The following ARL6IP6 variants were observed in gnomAD, a reference collection of about 807,000 sequenced individuals.
ARL6IP6 encodes ARF like GTPase 6 interacting protein 6.
A neutral mutation model predicts 21.5 loss-of-function variants in ARL6IP6; 22 were observed. That is an observed-to-expected ratio of 1.02 (90% CI 0.73 to 1.46). The LOEUF (loss-of-function observed/expected upper bound fraction) is 1.46. Ranked by LOEUF, ARL6IP6 falls within the 40% of genes most tolerant of loss-of-function variation. ARL6IP6 has a pLI of 0.00. For missense variants in ARL6IP6, 388 were observed against 299.8 expected, an observed-to-expected ratio of 1.29 and a Z score of -2.17; for synonymous variants, 164 against 125.3, an observed-to-expected ratio of 1.31 and a Z score of -2.06.
chr2:152,731,462 G>C lies in ARL6IP6; in HGVS notation c.455-3532G>C, dbSNP rs199673259. Among the ~76,000 whole-genome samples, 14 of 152,248 alleles carry C rather than the reference G, an allele frequency of 9.2e-5. No individual in the cohort carries two copies. The East Asian group carries it at 2.3e-3, about 25-fold the overall frequency. On this transcript the variant is annotated intron_variant, in intron 2 of 3. Coordinates refer to ENST00000326446, the MANE Select transcript of ARL6IP6 (RefSeq NM_152522.7). ...AAATTTGATAATTCGTAAGTCATCTGCTAGGGTTCTCAACTCTTCCTGTAT... is the reference window on the plus strand; with the variant it reads ...AAATTTGATAATTCGTAAGTCATCTCCTAGGGTTCTCAACTCTTCCTGTAT...
At chr2:152,731,086 T>C (rs979531841) in intron 2 of ARL6IP6, among the ~76,000 whole-genome samples, 7 of 152,220 alleles carry the variant, frequency 4.6e-5, no homozygotes, top group Non-Finnish European at 7.3e-5. Flanking sequence ...TCAAGACATA[T>C]TGTGTTTATC....
Position 152,743,994 on chromosome 2 carries a change from A to T in ARL6IP6, c.587+8868A>T, listed in dbSNP as rs1300479892. Among the ~76,000 whole-genome samples, 3 of 152,166 alleles carry T rather than the reference A, an allele frequency of 2.0e-5. No homozygotes were observed. The East Asian group carries it at 5.8e-4, about 29-fold the overall frequency. On this transcript the variant is annotated intron_variant, in intron 3 of 3. Transcript: ENST00000326446. ...AAATCTTCAGTTGACTTCTATGCTA[A>T]GAGATTTCTTATCCTGAATCTTACA...
At chr2:152,748,238 T>C (rs982209558) in intron 3 of ARL6IP6, among the ~76,000 whole-genome samples, 1 of 152,222 alleles carries the variant, frequency 6.6e-6, no homozygotes, top group Non-Finnish European at 1.5e-5. Flanking sequence ...GTCAAGTTCA[T>C]TGAAATCAAC....
intron 3 of ARL6IP6, among the ~76,000 whole-genome samples, chr2:152,742,466 G>A (rs1700857534): frequency 6.6e-6 from 1 of 151,788 alleles, no homozygotes; most frequent in African/African-American, 2.4e-5. Context: ...CCACTGGGAG[G>A]CTGAGGCAGA....
At chr2:152,749,281 G>T (rs911045537) in intron 3 of ARL6IP6, among the ~76,000 whole-genome samples, 2 of 149,970 alleles carry the variant, frequency 1.3e-5, no homozygotes, top group Non-Finnish European at 3.0e-5. Context: ...TATGTAGGAA[G>T]AGGGTAATAT....
chr2:152,756,985 G>T (rs2105193300), intron 3 of ARL6IP6, among the ~76,000 whole-genome samples: 1 of 152,066 alleles, frequency 6.6e-6, no homozygotes, highest in East Asian at 1.9e-4. Flanking sequence ...GTATGTATAG[G>T]AGCCCCAAAC....
At position 152,762,217 on chromosome 2, in the gene ARL6IP6, T is replaced by C. The variant is rs150934639; in HGVS notation, c.*2377T>C. Among the ~76,000 whole-genome samples, 152 of 152,262 alleles carry C rather than the reference T, an allele frequency of 1.0e-3. No homozygotes were observed. In the East Asian group the frequency reaches 0.025, roughly 25 times the overall value. On this transcript the variant is annotated 3_prime_UTR_variant, in exon 4 of 4. Coordinates refer to ENST00000326446, the MANE Select transcript of ARL6IP6 (RefSeq NM_152522.7). ...GCTTGAAATTAAGATGTGACGAAGC[T>C]GGGAAAATGCAAGCCCAGGAAATGC... is the stretch of plus-strand genomic sequence containing the variant.
At chr2:152,719,139 T>C in intron 1 of ARL6IP6, 115 bp downstream of exon 1, 2 of 1,239,232 alleles carry the variant, frequency 1.6e-6, no homozygotes, top group Non-Finnish European at 2.2e-6. Context: ...GGCAGCTGCT[T>C]TCACCCAGAG....
At chr2:152,723,195 C>T (rs1048880219) in intron 2 of ARL6IP6, among the ~76,000 whole-genome samples, 5 of 152,100 alleles carry the variant, frequency 3.3e-5, no homozygotes, top group African/African-American at 1.2e-4. Context: ...GAAGTTACAT[C>T]CTTTTTACAA....
At chr2:152,725,610 T>C (rs1700007401) in intron 2 of ARL6IP6, among the ~76,000 whole-genome samples, 1 of 151,832 alleles carries the variant, frequency 6.6e-6, no homozygotes, top group East Asian at 1.9e-4. Flanking sequence ...ATGAAAGGCT[T>C]AAAAATTCCT....
intron 3 of ARL6IP6, among the ~76,000 whole-genome samples, chr2:152,759,233 A>G (rs1475430325): frequency 6.6e-6 from 1 of 152,180 alleles, no homozygotes; most frequent in Non-Finnish European, 1.5e-5. Context: ...CACTTCAATT[A>G]AGTAACCTAT....
rs1263255117 is a variant in ARL6IP6, at chr2:152,760,693, T to TA, written c.*854dup. On this transcript the variant is annotated 3_prime_UTR_variant, in exon 4 of 4. Coordinates refer to ENST00000326446, the MANE Select transcript of ARL6IP6 (RefSeq NM_152522.7). ...TTCTGTTTCCACAATTCCAAATATT[T>TA]ATCTTGGTGTATATATTGTTACTTT... is the stretch of plus-strand genomic sequence containing the variant. 1 of 152,018 alleles carries TA rather than the reference T, an allele frequency of 6.6e-6. No homozygotes were observed. The highest frequency in any genetic ancestry group is 1.5e-5 in the Non-Finnish European group (1 of 67,974). 9.4% of individuals were successfully genotyped at this position (152,018 alleles called of 1,614,324 possible).
chr2:152,731,605 A>C (rs1700315047), intron 2 of ARL6IP6, among the ~76,000 whole-genome samples: 1 of 152,092 alleles, frequency 6.6e-6, no homozygotes, highest in African/African-American at 2.4e-5. Flanking sequence ...GTACTACCTG[A>C]CTGAATTTTT....
chr2:152,739,068 C>T (rs1355594288), intron 3 of ARL6IP6, among the ~76,000 whole-genome samples: 9 of 151,356 alleles, frequency 5.9e-5, no homozygotes, highest in African/African-American at 1.9e-4. Flanking sequence ...CTGCAAGCTC[C>T]GCCTCCTGGG....
chr2:152,717,978 G>C (rs1699255401), upstream of ARL6IP6: 2 of 1,002,292 alleles, frequency 2.0e-6, no homozygotes, highest in Non-Finnish European at 2.4e-6. Flanking sequence ...GAGAGGGTTC[G>C]ATCTCCGTAC....
intron 3 of ARL6IP6, among the ~76,000 whole-genome samples, chr2:152,739,432 T>C (rs551950260): frequency 6.6e-6 from 1 of 152,352 alleles, no homozygotes; most frequent in Non-Finnish European, 1.5e-5. Context: ...CCAGTCTCTT[T>C]GCTAAAGCAT....
At chr2:152,732,201 A>C (rs1281749658) in intron 2 of ARL6IP6, among the ~76,000 whole-genome samples, 1 of 152,052 alleles carries the variant, frequency 6.6e-6, no homozygotes, top group Admixed American at 6.5e-5. Flanking sequence ...TCCTAAAGAC[A>C]TATAAAGTTA....
At chr2:152,752,942 A>G (rs1701406030) in intron 3 of ARL6IP6, among the ~76,000 whole-genome samples, 1 of 151,964 alleles carries the variant, frequency 6.6e-6, no homozygotes, top group South Asian at 2.1e-4. Context: ...CTGCCCCCAG[A>G]TCTTGGTGTT....
chr2:152,731,753 G>C (rs1700322414), intron 2 of ARL6IP6, among the ~76,000 whole-genome samples: 1 of 152,052 alleles, frequency 6.6e-6, no homozygotes, highest in African/African-American at 2.4e-5. Context: ...CCTCCTCAGA[G>C]AACCAATGTT....
Sources: gnomAD v4.1 joint callset for allele counts (sites outside exome capture counted in the v4.1 genomes callset) on GRCh38, gnomAD v4.1.1 for gene constraint, MANE v1.5 for transcripts, NCBI Gene and HGNC (gene_info 2026-07-23, HGNC 2026-07-21) for gene names.